Variants in LIMA1 observed in about 807,000 individuals in gnomAD.
LIMA1 encodes the protein LIM domain and actin-binding protein 1.
A neutral mutation model predicts 62.6 loss-of-function variants in LIMA1; 52 were observed. The observed-to-expected ratio is 0.83, with a 90% confidence interval of 0.67 to 1.05. The LOEUF (loss-of-function observed/expected upper bound fraction) is 1.05. Ranked by LOEUF, LIMA1 falls within the 50% of genes least tolerant of loss-of-function variation. The probability of loss-of-function intolerance (pLI) is 0.00; values close to 1 mark genes in which losing one functional copy is unlikely to be tolerated. For synonymous variants in LIMA1, 302 were observed against 317.8 expected, an observed-to-expected ratio of 0.95 and a Z score of 0.53; for missense variants, 780 against 902.2, an observed-to-expected ratio of 0.86 and a Z score of 1.74.
intron 2 of LIMA1, among the ~76,000 whole-genome samples, chr12:50,242,798 G>C (rs1413968696): frequency 2.0e-5 from 3 of 152,160 alleles, no homozygotes; most frequent in Non-Finnish European, 4.4e-5. Flanking sequence ...AAAATCTAAA[G>C]AGCTGGGCCT....
chr12:50,265,043 C>G (rs563299514), intron 1 of LIMA1, among the ~76,000 whole-genome samples: 1 of 151,490 alleles, frequency 6.6e-6, no homozygotes, highest in African/African-American at 2.4e-5. Context: ...GTTCCAGCTA[C>G]TTGACAGGCT....
chr12:50,197,196 G>A (rs576219766), intron 7 of LIMA1, among the ~76,000 whole-genome samples: 19 of 150,212 alleles, frequency 1.3e-4, no homozygotes, highest in Admixed American at 1.1e-3. Flanking sequence ...TCAGCCTCCC[G>A]AGTAGCTGGG....
At chr12:50,267,230 C>T (rs1332247915) in intron 1 of LIMA1, among the ~76,000 whole-genome samples, 6 of 151,956 alleles carry the variant, frequency 3.9e-5, no homozygotes, top group African/African-American at 1.5e-4. Flanking sequence ...CCACAATGTC[C>T]GGCTAATTTT....
chr12:50,187,339 G>A (rs1041945026), intron 9 of LIMA1: 5 of 152,236 alleles, frequency 3.3e-5, no homozygotes, highest in African/African-American at 9.6e-5. Flanking sequence ...CTGTATTGAC[G>A]TCAAGCCTCT....
At chr12:50,257,665 T>C (rs540338658) in intron 1 of LIMA1, among the ~76,000 whole-genome samples, 1 of 152,358 alleles carries the variant, frequency 6.6e-6, no homozygotes, top group South Asian at 2.1e-4. Context: ...AGCAGGGAAC[T>C]CTCTTTTTCT....
At chr12:50,275,482 A>G (rs1405378529) in intron 1 of LIMA1, among the ~76,000 whole-genome samples, 1 of 152,214 alleles carries the variant, frequency 6.6e-6, no homozygotes, top group Non-Finnish European at 1.5e-5. Context: ...AGGAAGCAAT[A>G]ATTTATAAAT....
chr12:50,255,556 A>AG (rs1403240684), intron 1 of LIMA1, among the ~76,000 whole-genome samples: 1 of 151,100 alleles, frequency 6.6e-6, no homozygotes, highest in East Asian at 1.9e-4. Context: ...TGTCAAAAAA[A>AG]AAAAAAGAAA....
chr12:50,208,123 G>A (rs538410677), intron 4 of LIMA1, among the ~76,000 whole-genome samples: 1 of 152,164 alleles, frequency 6.6e-6, no homozygotes, highest in South Asian at 2.1e-4. Context: ...TGAGACAGGT[G>A]GATCACTTGA....
At chr12:50,247,556 G>A (rs566873572) in intron 2 of LIMA1, among the ~76,000 whole-genome samples, 5 of 151,892 alleles carry the variant, frequency 3.3e-5, no homozygotes, top group Admixed American at 6.6e-5. Flanking sequence ...GCTAAGTAGA[G>A]CAGAGATCCT....
At chr12:50,179,974 G>A (rs556286058) in intron 10 of LIMA1, among the ~76,000 whole-genome samples, 2 of 151,596 alleles carry the variant, frequency 1.3e-5, no homozygotes, top group Admixed American at 1.3e-4. Flanking sequence ...AGACCAGCCT[G>A]ACCAACATGG....
At chr12:50,190,927 G>A (rs1940752173) in intron 9 of LIMA1, among the ~76,000 whole-genome samples, 1 of 151,072 alleles carries the variant, frequency 6.6e-6, no homozygotes, top group African/African-American at 2.4e-5. Flanking sequence ...AAACCAGCTT[G>A]GGCAACATAG....
chr12:50,265,145 C>T (rs894762025), intron 1 of LIMA1, among the ~76,000 whole-genome samples: 2 of 145,898 alleles, frequency 1.4e-5, no homozygotes, highest in Admixed American at 6.8e-5. Flanking sequence ...AGAGTGAGAC[C>T]GTCTCAAAAA....
At chr12:50,210,160 C>T (rs1332918308) in intron 4 of LIMA1, among the ~76,000 whole-genome samples, 1 of 152,180 alleles carries the variant, frequency 6.6e-6, no homozygotes, top group Non-Finnish European at 1.5e-5. Context: ...CAGTGGCTCA[C>T]ACCTGTAATC....
rs745866453 is a variant in LIMA1 at position 50,177,738 on chromosome 12, T to A, written c.1606A>T (p.Thr536Ser). ...KKLRIAWPPP[T>S]ELGSSGSALE... The stretch of plus-strand genomic sequence containing the variant: ...GCACTTCCTGAACTTCCAAGTTCAG[T>A]GGGGGGTGGCCAGGCGATCCTCAGC... Residue 536 changes from threonine (T) to serine (S), a missense_variant, in exon 11 of 11, where the codon ACT (threonine) becomes TCT (serine). Coordinates refer to ENST00000341247, the MANE Select transcript of LIMA1 (RefSeq NM_016357.5). The A allele has an allele frequency of 1.2e-6, 2 of 1,614,006 alleles. No individual in the cohort carries two copies. Among genetic ancestry groups the A allele is most frequent in the South Asian group, 2.2e-5 (2 of 91,054 alleles).
At chr12:50,250,238 C>T (rs891023220) in intron 1 of LIMA1, among the ~76,000 whole-genome samples, 5 of 144,260 alleles carry the variant, frequency 3.5e-5, no homozygotes, top group African/African-American at 5.2e-5. Context: ...TGCAGGGAAC[C>T]GAGATCACAC....
chr12:50,227,237 C>CTTTTTTTTTTTTTTTTT (rs199650468), intron 3 of LIMA1, among the ~76,000 whole-genome samples: 3 of 123,992 alleles, frequency 2.4e-5, no homozygotes, highest in Admixed American at 8.6e-5. Flanking sequence ...TTTTTCTTTT[C>CTTTTTTTTTTTTTTTTT]TTTTTTTTTT....
At chr12:50,227,580 T>A (rs1592537099) in intron 3 of LIMA1, among the ~76,000 whole-genome samples, 1 of 152,236 alleles carries the variant, frequency 6.6e-6, no homozygotes. Context: ...TCTTGAATTG[T>A]CTATCTTGGT....
intron 9 of LIMA1, chr12:50,187,192 T>C (rs1267155926): frequency 1.3e-5 from 2 of 152,218 alleles, no homozygotes; most frequent in Non-Finnish European, 2.9e-5. Context: ...ATTTACATTC[T>C]TTTACCCTCT....
At chr12:50,205,928 T>C in intron 5 of LIMA1, 56 bp downstream of exon 5, 1 of 1,296,524 alleles carries the variant, frequency 7.7e-7, no homozygotes, top group Non-Finnish European at 1.1e-6. Flanking sequence ...CCAAAAGATG[T>C]TACTACTAGT....
Sources: gnomAD v4.1 joint callset for allele counts (sites outside exome capture counted in the v4.1 genomes callset) on GRCh38, gnomAD v4.1.1 for gene constraint, MANE v1.5 for transcripts, NCBI Gene and HGNC (gene_info 2026-07-23, HGNC 2026-07-21) for gene names.